The following CA13 variants were observed in gnomAD, a reference collection of about 807,000 sequenced individuals.
CA13 encodes carbonic anhydrase 13, also known as CA-XIII.
In CA13, 21 loss-of-function variants were observed where a neutral mutation model predicts 31.5. That is an observed-to-expected ratio of 0.67 (90% confidence interval 0.47 to 0.96). The LOEUF (loss-of-function observed/expected upper bound fraction) is 0.96, where lower values mean the gene tolerates loss of function less well. Among genes scored for constraint, CA13 ranks in the 40% least tolerant of loss-of-function variants. The pLI is 0.00. For missense variants in CA13, 315 were observed against 318.9 expected (o/e 0.99, Z 0.09); for synonymous variants, 117 against 111.4 (o/e 1.05, Z -0.32).
intron 1 of CA13, among the ~76,000 whole-genome samples, chr8:85,250,245 C>T (rs763172692): frequency 4.6e-5 from 7 of 152,112 alleles, no homozygotes; most frequent in East Asian, 1.9e-4. Context: ...TGACACTAGA[C>T]GATAGCATTG....
At chr8:85,273,519 T>C (rs1289062091) in intron 6 of CA13, among the ~76,000 whole-genome samples, 2 of 151,998 alleles carry the variant, frequency 1.3e-5, no homozygotes, top group East Asian at 3.9e-4. Flanking sequence ...GAATAACTTT[T>C]CCCTCCTCAG....
intron 6 of CA13, among the ~76,000 whole-genome samples, chr8:85,271,243 A>C (rs763509346): frequency 3.9e-5 from 6 of 152,216 alleles, no homozygotes; most frequent in Non-Finnish European, 7.3e-5. Context: ...AAAACTGCCA[A>C]GTTCATCAAA....
At chr8:85,264,111 G>C (rs1397196626) in intron 3 of CA13, among the ~76,000 whole-genome samples, 1 of 152,114 alleles carries the variant, frequency 6.6e-6, no homozygotes, top group Non-Finnish European at 1.5e-5. Flanking sequence ...CCAAAAGTTA[G>C]GCGTCTACAA....
intron 1 of CA13, among the ~76,000 whole-genome samples, chr8:85,246,728 A>C (rs946371900): frequency 1.2e-4 from 18 of 152,210 alleles, no homozygotes; most frequent in African/African-American, 4.1e-4. Context: ...GTGACACCAA[A>C]AAGCCTTATA....
chr8:85,246,669 C>T (rs905083737), intron 1 of CA13: 1 of 358,708 alleles, frequency 2.8e-6, no homozygotes, highest in Non-Finnish European at 5.5e-6. Flanking sequence ...CTTGTTCCTA[C>T]GTTAAACTGA....
At position 85,268,105 on chromosome 8, in the gene CA13, A is replaced by G; in HGVS notation, c.513+141A>G. 5.2e-6 allele frequency: 3 copies of G among 574,930 alleles called. No homozygotes were observed. The South Asian group carries it at 8.3e-5, about 16-fold the overall frequency. The allele number at this position is 574,930 out of a possible 1,614,324, so 35.6% of individuals were successfully genotyped here. A position where few individuals can be genotyped will look rare whatever the true frequency, so the allele number is the denominator to read the frequency against. Reference sequence around the variant, plus strand: ...TGAAAAAAAGCAGAAGTAACCTATTACCACTTATCTTTTGAATGTAAAGGT... The same window carrying G: ...TGAAAAAAAGCAGAAGTAACCTATTGCCACTTATCTTTTGAATGTAAAGGT... On this transcript the variant is annotated intron_variant, in intron 5 of 6. Coordinates refer to ENST00000321764, the MANE Select transcript of CA13 (RefSeq NM_198584.3).
At position 85,245,707 on chromosome 8, in the gene CA13, G is replaced by A; in HGVS notation, c.-122G>A. On this transcript the variant is annotated 5_prime_UTR_variant, in exon 1 of 7. Transcript: ENST00000321764. ...CGCCCCGGACCGGGTTCACGGTCTC[G>A]CACTCCTGCCGCCGGCGCCCCGCGG... is the stretch of plus-strand genomic sequence containing the variant. The A allele has an allele frequency of 8.8e-7, 1 of 1,136,988 alleles. No individual in the cohort carries two copies. The allele number at this position is 1,136,988 out of a possible 1,614,324, so 70.4% of individuals were successfully genotyped here.
intron 6 of CA13, among the ~76,000 whole-genome samples, chr8:85,278,424 G>A (rs1443673099): frequency 2.0e-5 from 3 of 152,124 alleles, no homozygotes; most frequent in East Asian, 3.9e-4. Context: ...CTGGCTTAGA[G>A]TGAGACATGC....
In CA13 at chr8:85,259,486, G is replaced by T. The variant is rs746847065; in HGVS notation, c.301G>T (p.Ala101Ser). 1 of 1,613,834 alleles carries T rather than the reference G, an allele frequency of 6.2e-7. No individual in the cohort carries two copies. Among genetic ancestry groups the T allele is most frequent in the Non-Finnish European group, 8.5e-7 (1 of 1,179,894 alleles). ...GCAGGTTCACCTTCACTGGGGGTCCGCTGATGACCACGGCTCCGAGCACAT... is the reference window on the plus strand; with the variant it reads ...GCAGGTTCACCTTCACTGGGGGTCCTCTGATGACCACGGCTCCGAGCACAT... ...LRQVHLHWGS[A>S]DDHGSEHIVD... is the part of the protein sequence containing the mutation. Residue 101 changes from alanine to serine, a missense_variant, in exon 3 of 7, where the codon GCT (alanine) becomes TCT (serine). Physicochemically the swap from Ala to Ser is moderately conservative, Grantham distance 99 (BLOSUM62 1). Coordinates refer to ENST00000321764, the MANE Select transcript of CA13 (RefSeq NM_198584.3).
rs1813712076 is a variant in CA13, at chr8:85,245,724, G to A, written c.-105G>A. The A allele has an allele frequency of 6.0e-6, 8 of 1,340,770 alleles. No individual in the cohort carries two copies. The East Asian group carries it at 1.6e-4, about 27-fold the overall frequency. The allele number at this position is 1,340,770 out of a possible 1,614,324, so 83.1% of individuals were successfully genotyped here. On this transcript the variant is annotated 5_prime_UTR_variant, in exon 1 of 7. Transcript: ENST00000321764. ...ACGGTCTCGCACTCCTGCCGCCGGC[G>A]CCCCGCGGTCCCGCCCTAGCAGGCT...
intron 2 of CA13, among the ~76,000 whole-genome samples, 160 bp downstream of exon 2, chr8:85,251,097 G>A (rs749781343): frequency 6.7e-6 from 1 of 150,006 alleles, no homozygotes; most frequent in Non-Finnish European, 1.5e-5. Flanking sequence ...CGCCTCCTAA[G>A]TTCAAGAGAT....
Position 85,250,954 on chromosome 8 carries a change from T to C in CA13, c.235+17T>C. 1 of 1,604,640 alleles carries C rather than the reference T, an allele frequency of 6.2e-7. No individual in the cohort carries two copies. The highest frequency in any genetic ancestry group is 8.5e-7 in the Non-Finnish European group (1 of 1,171,466). ...ACAAATCAGGTTGGCTTTTCTTTTT[T>C]TGTGTGTGTGGTGGTGGATGAAGGG... On this transcript the variant is annotated intron_variant, in intron 2 of 6. Coordinates refer to ENST00000321764, the MANE Select transcript of CA13 (RefSeq NM_198584.3).
chr8:85,245,950 A>G, intron 1 of CA13, 85 bp downstream of exon 1: 2 of 1,479,028 alleles, frequency 1.4e-6, no homozygotes, highest in Admixed American at 1.7e-5. Flanking sequence ...CTGACCACAC[A>G]CTGGGCTCGC....
At chr8:85,280,130 A>T (rs1434669344) in intron 6 of CA13, among the ~76,000 whole-genome samples, 1 of 152,124 alleles carries the variant, frequency 6.6e-6, no homozygotes, top group African/African-American at 2.4e-5. Context: ...AAATACAAAA[A>T]TTAGCTGGGT....
chr8:85,272,757 A>G (rs1019154373), intron 6 of CA13, among the ~76,000 whole-genome samples: 1 of 152,146 alleles, frequency 6.6e-6, no homozygotes, highest in African/African-American at 2.4e-5. Flanking sequence ...GTCAATACCT[A>G]GGACTAGAAT....
intron 3 of CA13, among the ~76,000 whole-genome samples, chr8:85,264,759 C>T (rs1233648613): frequency 6.6e-6 from 1 of 152,210 alleles, no homozygotes; most frequent in African/African-American, 2.4e-5. Context: ...GGTGCATTGG[C>T]ACAGAGCCAC....
intron 6 of CA13, among the ~76,000 whole-genome samples, chr8:85,278,484 C>T (rs997221583): frequency 2.6e-5 from 4 of 152,068 alleles, no homozygotes; most frequent in Admixed American, 2.6e-4. Context: ...ACTGAGTGGA[C>T]AAGGGGCTTG....
At position 85,281,391 on chromosome 8, in the gene CA13, G is replaced by C; in HGVS notation, c.*42G>C. On this transcript the variant is annotated 3_prime_UTR_variant, in exon 7 of 7. Transcript: ENST00000321764. ...ACTCCCCCAAACATGGCTGTGGAGA[G>C]ACAACAAAACAAAACAAAGCACAAA... 6.2e-7 allele frequency: 1 copy of C among 1,602,696 alleles called. No individual in the cohort carries two copies. The highest frequency in any genetic ancestry group is 8.5e-7 in the Non-Finnish European group (1 of 1,172,276).
chr8:85,256,357 T>C (rs1037800384), intron 2 of CA13, among the ~76,000 whole-genome samples: 4 of 152,186 alleles, frequency 2.6e-5, no homozygotes, highest in Non-Finnish European at 5.9e-5. Flanking sequence ...TGTGCTGAAA[T>C]TTTAAAAAGA....
Sources: allele counts gnomAD v4.1 joint callset (sites outside exome capture counted in the v4.1 genomes callset), GRCh38; gene constraint gnomAD v4.1.1; transcripts MANE v1.5; gene names NCBI Gene and HGNC (gene_info 2026-07-23, HGNC 2026-07-21).